PDK2: variants seen among roughly 807,000 people sequenced by gnomAD.
The protein encoded by PDK2 is pyruvate dehydrogenase kinase, isozyme 2.
Under a neutral mutation model 50.4 loss-of-function variants are expected in PDK2, and 34 were observed. The observed-to-expected ratio is 0.68, with a 90% CI of 0.51 to 0.90. The LOEUF (loss-of-function observed/expected upper bound fraction) is 0.90, where lower values mean the gene tolerates loss of function less well. Among genes scored for constraint, PDK2 ranks in the 40% least tolerant of loss-of-function variants. The pLI, the probability that PDK2 is intolerant of heterozygous loss-of-function variation, is 0.00. For missense variants in PDK2, 377 were observed against 544.5 expected, an observed-to-expected ratio of 0.69 and a Z score of 3.06; for synonymous variants, 232 against 216.0, an observed-to-expected ratio of 1.07 and a Z score of -0.65.
chr17:50,103,519 T>C (rs1167631385), intron 2 of PDK2, among the ~76,000 whole-genome samples: 2 of 152,192 alleles, frequency 1.3e-5, no homozygotes, highest in African/African-American at 4.8e-5. Context: ...AATCATCACA[T>C]GGAATTCTCA....
In PDK2 at chr17:50,105,445, G is replaced by C; in HGVS notation, c.332+3G>C. On this transcript the variant is annotated splice_donor_region_variant and intron_variant, in intron 3 of 10. Transcript: ENST00000503176. ...GAGGACCATCGCACCCTGAGCCAGT[G>C]AGTGGGGGCCCTGGGTGGGGCAGGA... 6.2e-7 allele frequency: 1 copy of C among 1,613,426 alleles called. No individual in the cohort carries two copies. Among genetic ancestry groups the C allele is most frequent in the Non-Finnish European group, 8.5e-7 (1 of 1,179,628 alleles).
intron 4 of PDK2, chr17:50,106,450 G>A (rs1910522713): frequency 1.1e-5 from 5 of 454,018 alleles, no homozygotes. Flanking sequence ...AATTAAACAA[G>A]TTCCTCATGC....
chr17:50,099,098 G>A (rs570323600), intron 2 of PDK2, among the ~76,000 whole-genome samples: 2 of 152,192 alleles, frequency 1.3e-5, no homozygotes, highest in South Asian at 2.1e-4. Flanking sequence ...CTTGCCTCTC[G>A]GAGGTCCAGG....
intron 2 of PDK2, among the ~76,000 whole-genome samples, chr17:50,103,372 A>G (rs960186835): frequency 6.6e-6 from 1 of 152,160 alleles, no homozygotes; most frequent in African/African-American, 2.4e-5. Context: ...TGTGATTCAG[A>G]GCCTACAAGC....
intron 9 of PDK2, 34 bp downstream of exon 9, chr17:50,108,753 C>A: frequency 8.1e-7 from 1 of 1,237,822 alleles, no homozygotes; most frequent in Non-Finnish European, 1.1e-6. Context: ...CTCCCACCTC[C>A]TGAGGGAGGC....
intron 2 of PDK2, 25 bp downstream of exon 2, chr17:50,097,589 C>T (rs781608857): frequency 6.2e-7 from 1 of 1,608,714 alleles, no homozygotes; most frequent in Non-Finnish European, 8.5e-7. Flanking sequence ...TCAGTCCCTG[C>T]ACCTCCCACT....
In PDK2 at chr17:50,095,405, G is replaced by C. The variant is rs748158769; in HGVS notation, c.-31G>C. ...GGTGCGCGAGCGCTGCCCGCGCGGG[G>C]ACCACAACCAAAGTCGCGGCCGCCG... On this transcript the variant is annotated 5_prime_UTR_variant, in exon 1 of 11. Transcript: ENST00000503176. 1.3e-6 allele frequency: 2 copies of C among 1,518,034 alleles called. No individual in the cohort carries two copies. The highest frequency in any genetic ancestry group is 2.3e-5 in the South Asian group (2 of 87,000). 94.0% of individuals were successfully genotyped at this position (1,518,034 alleles called of 1,614,324 possible).
intron 1 of PDK2, 66 bp downstream of exon 1, chr17:50,095,619 G>C: frequency 6.6e-7 from 1 of 1,510,516 alleles, no homozygotes; most frequent in South Asian, 1.2e-5. Flanking sequence ...GCAGCCGGGG[G>C]CTAGGGGGAC....
rs766249440 is a variant in PDK2 at position 50,110,089 on chromosome 17, G to A, written c.1216G>A (p.Val406Ile). ...GCCCAAGAACACGTCCACGTACCGC[G>A]TCAGCTAAGGGCCGCCGTGCATCTG... is the stretch of plus-strand genomic sequence containing the variant. ...TEPKNTSTYR[V>I]S is the part of the protein sequence containing the mutation. Residue 406 changes from valine (V) to isoleucine (I), a missense_variant, in exon 11 of 11, where the codon GTC becomes ATC. By Grantham distance (29) the Val-to-Ile change is conservative. Coordinates refer to ENST00000503176, the MANE Select transcript of PDK2 (RefSeq NM_002611.5). The A allele has an allele frequency of 4.7e-5, 76 of 1,605,222 alleles. No individual in the cohort carries two copies. The highest frequency in any genetic ancestry group is 3.4e-4 in the Middle Eastern group (2 of 5,850).
Position 50,108,722 on chromosome 17 carries a change from G to A in PDK2, c.969+3G>A, listed in dbSNP as rs56252448. 55 of 1,595,982 alleles carry A rather than the reference G, an allele frequency of 3.4e-5. No individual in the cohort carries two copies. In the East Asian group the frequency reaches 1.1e-3, roughly 31 times the overall value. On this transcript the variant is annotated splice_donor_region_variant and intron_variant, in intron 9 of 10. Transcript: ENST00000503176. The stretch of plus-strand genomic sequence containing the variant: ...CTGGCACCGGGGGAACGCCGCTGGT[G>A]AGATGGCTTCACCCCAGCCCCTCCC...
upstream of PDK2, chr17:50,095,281 G>A (rs1057452245): frequency 2.3e-5 from 13 of 571,576 alleles, no homozygotes; most frequent in South Asian, 2.0e-4. Flanking sequence ...GGCCATTGGC[G>A]ACGTCGAGGC....
rs200586696 is a variant in PDK2 at position 50,107,083 on chromosome 17, C to T, written c.615C>T (p.Tyr205=). 22 of 1,613,904 alleles carry T rather than the reference C, an allele frequency of 1.4e-5. No individual in the cohort carries two copies. Among genetic ancestry groups the T allele is most frequent in the Non-Finnish European group, 1.6e-5 (19 of 1,179,942 alleles). The change falls in exon 6 of 11, where the codon TAC becomes TAT. Residue 205 remains tyrosine, a synonymous_variant. Transcript: ENST00000503176. ...GACCCCATCTTCTCTCAGATGCCTACGACATGGCTAAGCTCCTGTGTGACA... is the reference window on the plus strand; with the variant it reads ...GACCCCATCTTCTCTCAGATGCCTATGACATGGCTAAGCTCCTGTGTGACA... ...CNVSEVVKDA[Y]DMAKLLCDKY...
chr17:50,100,729 T>C (rs1377093640), intron 2 of PDK2: 3 of 152,264 alleles, frequency 2.0e-5, no homozygotes, highest in African/African-American at 4.8e-5. Flanking sequence ...TAGTCTTTGC[T>C]ATCATCCCAT....
At chr17:50,099,194 C>T (rs1332730171) in intron 2 of PDK2, among the ~76,000 whole-genome samples, 1 of 152,108 alleles carries the variant, frequency 6.6e-6, no homozygotes, top group African/African-American at 2.4e-5. Context: ...CTCCCTGGCC[C>T]TCCTCCGGCT....
rs1394031188 is a variant in PDK2, at chr17:50,109,544, TC to T, written c.1083+146del. On this transcript the variant is annotated intron_variant, in intron 10 of 10. Coordinates refer to ENST00000503176, the MANE Select transcript of PDK2 (RefSeq NM_002611.5). The surrounding 1 kb of genome is among the most constrained non-coding windows in gnomAD (Gnocchi z 5.0). Reference sequence around the variant, plus strand: ...CTGAGAATCCAAGCAAAGCTACAGTTCCTCAACCTGAAGAACCCTCAACCCC... The same window carrying T: ...CTGAGAATCCAAGCAAAGCTACAGTTCTCAACCTGAAGAACCCTCAACCCC... 3.4e-6 allele frequency: 2 copies of T among 584,232 alleles called. No homozygotes were observed. The highest frequency in any genetic ancestry group is 6.0e-6 in the Non-Finnish European group (2 of 331,072). 36.2% of individuals were successfully genotyped at this position (584,232 alleles called of 1,614,324 possible).
rs1431702258 is a variant in PDK2, at chr17:50,101,722, A to G, written c.261-3649A>G. ...CCCTCTCCTCCCGCCCCCACCGCCC[A>G]TTATCAGCCCCACACTCTCAGCAAG... On this transcript the variant is annotated intron_variant, in intron 2 of 10. Coordinates refer to ENST00000503176, the MANE Select transcript of PDK2 (RefSeq NM_002611.5). This position sits in a 1 kb window ranked among gnomAD's most constrained non-coding sequence, Gnocchi z 4.2. The G allele has an allele frequency of 2.1e-5, 3 of 145,598 alleles. No individual in the cohort carries two copies. The East Asian group carries it at 6.3e-4, about 30-fold the overall frequency. The allele number at this position is 145,598 out of a possible 1,614,324, so 9.0% of individuals were successfully genotyped here.
rs1304057633 is a variant in PDK2, at chr17:50,101,789, TC to T, written c.261-3580del. 3.9e-5 allele frequency: 6 copies of T among 152,234 alleles called. No homozygotes were observed. The highest frequency in any genetic ancestry group is 1.4e-4 in the African/African-American group (6 of 41,412). The allele number at this position is 152,234 out of a possible 1,614,324, so 9.4% of individuals were successfully genotyped here. On this transcript the variant is annotated intron_variant, in intron 2 of 10. Coordinates refer to ENST00000503176, the MANE Select transcript of PDK2 (RefSeq NM_002611.5). The surrounding 1 kb of genome is among the most constrained non-coding windows in gnomAD (Gnocchi z 4.2). ...TGCATCCACCCCTCCTCCTTCTCAT[TC>T]CTGGGGCTCTGGACTGGCTCTGGAG...
rs1290172763 is a variant in PDK2 at position 50,111,170 on chromosome 17, C to T, written c.*1073C>T. 2.6e-5 allele frequency: 4 copies of T among 152,314 alleles called. No individual in the cohort carries two copies. The highest frequency in any genetic ancestry group is 9.7e-5 in the African/African-American group (4 of 41,442). 9.4% of individuals were successfully genotyped at this position (152,314 alleles called of 1,614,324 possible). A position where few individuals can be genotyped will look rare whatever the true frequency, so the allele number is the denominator to read the frequency against. On this transcript the variant is annotated 3_prime_UTR_variant, in exon 11 of 11. Transcript: ENST00000503176. ...CGCACCGGGGACGTCCGGCCCAGCTCAGGACTGTGAGTAAAACACTGGGCA... is the reference window on the plus strand; with the variant it reads ...CGCACCGGGGACGTCCGGCCCAGCTTAGGACTGTGAGTAAAACACTGGGCA...
intron 5 of PDK2, 75 bp from the exon 6 acceptor site, chr17:50,107,001 T>A: frequency 1.4e-6 from 2 of 1,462,898 alleles, no homozygotes; most frequent in South Asian, 2.3e-5. Flanking sequence ...ATGCTGGTGG[T>A]CCCCAGTATC....
Sources: gnomAD v4.1 joint callset for allele counts (sites outside exome capture counted in the v4.1 genomes callset) on GRCh38, gnomAD v4.1.1 for gene constraint, Gnocchi (gnomAD v3.1) non-coding constraint, MANE v1.5 for transcripts, NCBI Gene and HGNC (gene_info 2026-07-23, HGNC 2026-07-21) for gene names.